SLC3A1: variants seen among roughly 807,000 people sequenced by gnomAD.
SLC3A1 encodes the protein solute carrier family 3 member 1.
In SLC3A1, 78 loss-of-function variants were observed where a neutral mutation model predicts 60.3. The ratio of observed to expected loss-of-function variants is 1.29; its 90% CI spans 1.08 to 1.56. The LOEUF is 1.56. Among genes scored for constraint, SLC3A1 ranks in the 40% most tolerant of loss-of-function variants. The pLI, the probability that SLC3A1 is intolerant of heterozygous loss-of-function variation, is 0.00. For missense variants in SLC3A1, 1,172 were observed against 858.9 expected, an observed-to-expected ratio of 1.36 and a Z score of -4.56; for synonymous variants, 392 against 307.9, an observed-to-expected ratio of 1.27 and a Z score of -2.86.
Position 44,275,521 on chromosome 2 carries a change from A to T in SLC3A1, c.-15A>T. 1 of 1,612,548 alleles carries T rather than the reference A, an allele frequency of 6.2e-7. No individual in the cohort carries two copies. The highest frequency in any genetic ancestry group is 8.5e-7 in the Non-Finnish European group (1 of 1,179,126). On this transcript the variant is annotated 5_prime_UTR_variant, in exon 1 of 10. Coordinates refer to ENST00000260649, the MANE Select transcript of SLC3A1 (RefSeq NM_000341.4). ...TACTGCAGGAAGGCACTCCGAAGAC[A>T]TAAGTCGGTGAGACATGGCTGAAGA...
At chr2:44,277,883 G>A (rs767402845) in intron 1 of SLC3A1, among the ~76,000 whole-genome samples, 1 of 152,036 alleles carries the variant, frequency 6.6e-6, no homozygotes. Context: ...GAGGTTGAAG[G>A]GATTTCATTG....
chr2:44,319,872 C>G (rs754614997), intron 9 of SLC3A1: 6 of 279,678 alleles, frequency 2.1e-5, no homozygotes, highest in Non-Finnish European at 4.1e-5. Context: ...AATGACTATG[C>G]AAGTTAAATA....
At chr2:44,298,159 A>G (rs1417601977) in intron 4 of SLC3A1, among the ~76,000 whole-genome samples, 2 of 150,424 alleles carry the variant, frequency 1.3e-5, no homozygotes, top group African/African-American at 4.9e-5. Context: ...GCCATACTAT[A>G]CAGTTGATTC....
At chr2:44,279,390 C>T (rs1221747614) in intron 1 of SLC3A1, among the ~76,000 whole-genome samples, 1 of 152,106 alleles carries the variant, frequency 6.6e-6, no homozygotes, top group Non-Finnish European at 1.5e-5. Context: ...TCCCCTTTGC[C>T]CACACCATCC....
intron 3 of SLC3A1, 145 bp downstream of exon 3, chr2:44,281,686 GT>G (rs1671503982): frequency 1.3e-6 from 1 of 742,174 alleles, no homozygotes; most frequent in African/African-American, 1.8e-5. Context: ...TAGAAATAAG[GT>G]TTCCAGTTGT....
At position 44,320,243 on chromosome 2, in the gene SLC3A1, T is replaced by C. The variant is rs1049953866; in HGVS notation, c.1662T>C (p.Asp554=). ...GATCGGCTTTGAAGTTATATCAAGATTTAAGTCTACTTCATGCCAATGAGC... is the reference window on the plus strand; with the variant it reads ...GATCGGCTTTGAAGTTATATCAAGACTTAAGTCTACTTCATGCCAATGAGC... ...QPRSALKLYQ[D]LSLLHANELL... The change falls in exon 10 of 10, where the codon GAT becomes GAC. Residue 554 remains aspartate, a synonymous_variant. Coordinates refer to ENST00000260649, the MANE Select transcript of SLC3A1 (RefSeq NM_000341.4). 1.9e-5 allele frequency: 31 copies of C among 1,614,050 alleles called. No homozygotes were observed. The highest frequency in any genetic ancestry group is 2.6e-5 in the Non-Finnish European group (31 of 1,179,960).
At chr2:44,302,583 C>T (rs141294474) in intron 6 of SLC3A1, among the ~76,000 whole-genome samples, 2,132 of 152,290 alleles carry the variant, frequency 0.014, 48 homozygotes, top group African/African-American at 0.049. Context: ...ATGCACTTAT[C>T]CATAAATATG....
chr2:44,320,174 C>T (rs750454187), intron 9 of SLC3A1, 25 bp from the exon 10 acceptor site: 24 of 1,566,672 alleles, frequency 1.5e-5, no homozygotes, highest in Middle Eastern at 1.8e-4. Context: ...CAAACACTTA[C>T]GTAAATACTT....
At chr2:44,286,424 C>G (rs1007421111) in intron 4 of SLC3A1, among the ~76,000 whole-genome samples, 1 of 152,182 alleles carries the variant, frequency 6.6e-6, no homozygotes, top group Non-Finnish European at 1.5e-5. Context: ...CTCAGAGTAC[C>G]CTAAATGGAA....
intron 6 of SLC3A1, among the ~76,000 whole-genome samples, chr2:44,302,002 C>T (rs1572805645): frequency 6.6e-6 from 1 of 152,140 alleles, no homozygotes; most frequent in Non-Finnish European, 1.5e-5. Context: ...TTGCAGTGAG[C>T]TGAGATCATG....
At chr2:44,296,707 C>T (rs373052459) in intron 4 of SLC3A1, among the ~76,000 whole-genome samples, 5 of 152,166 alleles carry the variant, frequency 3.3e-5, no homozygotes, top group East Asian at 1.9e-4. Context: ...CAGATAGAAA[C>T]GCACTTCAAG....
chr2:44,288,272 C>T (rs983867869), intron 4 of SLC3A1, among the ~76,000 whole-genome samples: 1 of 152,106 alleles, frequency 6.6e-6, no homozygotes, highest in Non-Finnish European at 1.5e-5. Context: ...ATGATCCACC[C>T]GTCTCAGCTT....
intron 7 of SLC3A1, 80 bp from the exon 8 acceptor site, chr2:44,312,506 T>G: frequency 1.3e-6 from 2 of 1,491,650 alleles, no homozygotes; most frequent in Non-Finnish European, 9.4e-7. Context: ...TTTGCTACGT[T>G]GTGAACTTTC....
chr2:44,314,018 C>A, intron 9 of SLC3A1, 67 bp downstream of exon 9: 1 of 1,607,356 alleles, frequency 6.2e-7, no homozygotes, highest in Non-Finnish European at 8.5e-7. Context: ...TGAAAGTACA[C>A]ACTCACCCTG....
chr2:44,310,738 CT>C (rs543183652), intron 7 of SLC3A1, among the ~76,000 whole-genome samples: 140 of 150,992 alleles, frequency 9.3e-4, no homozygotes, highest in Non-Finnish European at 1.5e-3. Flanking sequence ...TCCTTCTCTC[CT>C]TTTGAGACTC....
At chr2:44,312,441 A>G (rs1672321514) in intron 7 of SLC3A1, 145 bp from the exon 8 acceptor site, 2 of 769,552 alleles carry the variant, frequency 2.6e-6, no homozygotes, top group Admixed American at 4.1e-5. Flanking sequence ...AGCAAATAGC[A>G]GGCCTAGGAC....
intron 3 of SLC3A1, among the ~76,000 whole-genome samples, chr2:44,283,781 A>G (rs563732536): frequency 6.6e-5 from 10 of 152,276 alleles, no homozygotes; most frequent in African/African-American, 2.4e-4. Context: ...ATATATAACC[A>G]TATATTGCAA....
At position 44,313,834 on chromosome 2, in the gene SLC3A1, G is replaced by A; in HGVS notation, c.1501-1G>A. On this transcript the variant is annotated splice_acceptor_variant, in intron 8 of 9. Coordinates refer to ENST00000260649, the MANE Select transcript of SLC3A1 (RefSeq NM_000341.4). LOFTEE classifies it high-confidence loss of function. ...TTTCCCTTTCTGGTCTTTTGACATA[G>A]AATACCCTTCGCTCAAAGTCACCAA... The A allele has an allele frequency of 6.2e-7, 1 of 1,611,742 alleles. No homozygotes were observed. The highest frequency in any genetic ancestry group is 8.5e-7 in the Non-Finnish European group (1 of 1,177,826).
intron 4 of SLC3A1, among the ~76,000 whole-genome samples, chr2:44,297,881 AGC>A (rs1671894538): frequency 6.6e-6 from 1 of 152,128 alleles, no homozygotes; most frequent in Admixed American, 6.6e-5. Flanking sequence ...TACAGGTGTG[AGC>A]CGTCACACCT....
Sources: allele counts gnomAD v4.1 joint callset (sites outside exome capture counted in the v4.1 genomes callset), GRCh38; gene constraint gnomAD v4.1.1; transcripts MANE v1.5; gene names NCBI Gene and HGNC (gene_info 2026-07-23, HGNC 2026-07-21).